Variants in ADGRL3 observed in about 807,000 individuals in gnomAD.
ADGRL3 encodes the protein calcium-independent alpha-latrotoxin receptor 3.
In ADGRL3, 62 loss-of-function variants were observed where a neutral mutation model predicts 153.5. That is an observed-to-expected ratio of 0.40 (90% CI 0.33 to 0.50). The LOEUF (loss-of-function observed/expected upper bound fraction) is 0.50. Ranked by LOEUF, ADGRL3 falls within the 20% of genes least tolerant of loss-of-function variation. The pLI, the probability that ADGRL3 is intolerant of heterozygous loss-of-function variation, is 0.47. For synonymous variants in ADGRL3, 710 were observed against 672.5 expected (o/e 1.06, Z -0.86); for missense variants, 1,641 against 1,859.4 (o/e 0.88, Z 2.16).
chr4:62,037,096 T>G (rs541347353), intron 23 of ADGRL3, among the ~76,000 whole-genome samples: 1 of 152,250 alleles, frequency 6.6e-6, no homozygotes, highest in East Asian at 1.9e-4. Context: ...AAGGACAAAA[T>G]TTACAATCTT....
chr4:61,590,828 C>T (rs144273182), intron 5 of ADGRL3, among the ~76,000 whole-genome samples: 1 of 152,290 alleles, frequency 6.6e-6, no homozygotes, highest in Non-Finnish European at 1.5e-5. Flanking sequence ...CTAAGTGATA[C>T]TAGCTATGTA....
intron 2 of ADGRL3, among the ~76,000 whole-genome samples, chr4:61,441,156 G>A (rs959965661): frequency 6.6e-6 from 1 of 151,686 alleles, no homozygotes; most frequent in East Asian, 1.9e-4. Context: ...TCTTTCTTCT[G>A]ATCTCTGATC....
chr4:61,367,312 G>T (rs2096417728), intron 1 of ADGRL3, among the ~76,000 whole-genome samples: 1 of 150,870 alleles, frequency 6.6e-6, no homozygotes, highest in African/African-American at 2.4e-5. Flanking sequence ...AAGTATACAT[G>T]TGCCATGCTG....
chr4:61,266,395 T>G (rs2092847729), intron 1 of ADGRL3, among the ~76,000 whole-genome samples: 1 of 151,858 alleles, frequency 6.6e-6, no homozygotes, highest in Non-Finnish European at 1.5e-5. Context: ...AACAAACAGC[T>G]GACTTATATT....
At chr4:61,685,778 A>G (rs1440372500) in intron 6 of ADGRL3, among the ~76,000 whole-genome samples, 3 of 152,126 alleles carry the variant, frequency 2.0e-5, no homozygotes, top group Non-Finnish European at 2.9e-5. Context: ...TGAGAATCAA[A>G]ATATGTTTGC....
chr4:61,532,752 TA>T (rs75750017), intron 4 of ADGRL3, among the ~76,000 whole-genome samples: 321 of 141,848 alleles, frequency 2.3e-3, no homozygotes, highest in Middle Eastern at 0.011. Flanking sequence ...TTTAGATGTT[TA>T]AAAAAAAAAA....
intron 19 of ADGRL3, among the ~76,000 whole-genome samples, chr4:61,992,421 A>G (rs191204770): frequency 1.3e-5 from 2 of 152,336 alleles, no homozygotes; most frequent in Non-Finnish European, 2.9e-5. Context: ...TTGTTTTAAC[A>G]GCCACAGTGA....
At chr4:61,526,124 A>G (rs1331859872) in intron 4 of ADGRL3, among the ~76,000 whole-genome samples, 1 of 152,142 alleles carries the variant, frequency 6.6e-6, no homozygotes, top group Non-Finnish European at 1.5e-5. Context: ...GTGAAGTTCC[A>G]TACTTTTCTT....
chr4:61,516,449 A>G (rs2098495917), intron 3 of ADGRL3, among the ~76,000 whole-genome samples: 1 of 152,094 alleles, frequency 6.6e-6, no homozygotes, highest in Admixed American at 6.5e-5. Context: ...TATCATTCCT[A>G]TTTATTAAAC....
intron 5 of ADGRL3, among the ~76,000 whole-genome samples, chr4:61,665,873 A>C (rs184188490): frequency 3.2e-4 from 49 of 152,234 alleles, no homozygotes; most frequent in African/African-American, 1.2e-3. Flanking sequence ...TGGGAGATAA[A>C]ACATGTATGG....
chr4:61,471,011 A>T (rs1458634789), intron 2 of ADGRL3, among the ~76,000 whole-genome samples: 1 of 151,916 alleles, frequency 6.6e-6, no homozygotes, highest in African/African-American at 2.4e-5. Context: ...TACAGTATAT[A>T]TTAGATATTT....
At chr4:61,328,674 T>A (rs1213172169) in intron 1 of ADGRL3, among the ~76,000 whole-genome samples, 2 of 152,212 alleles carry the variant, frequency 1.3e-5, no homozygotes, top group African/African-American at 4.8e-5. Context: ...AAGCTTCAGA[T>A]AAAACTATAT....
At chr4:61,520,240 A>T (rs959861042) in intron 4 of ADGRL3, among the ~76,000 whole-genome samples, 1 of 152,136 alleles carries the variant, frequency 6.6e-6, no homozygotes, top group Non-Finnish European at 1.5e-5. Context: ...TAATGACTAG[A>T]TATCAAGGCT....
chr4:61,874,439 A>G (rs1380178188), intron 9 of ADGRL3, among the ~76,000 whole-genome samples: 2 of 151,964 alleles, frequency 1.3e-5, no homozygotes, highest in East Asian at 3.9e-4. Context: ...CATACATCCC[A>G]CCACCTTAGC....
chr4:61,952,192 C>T (rs534041462), intron 17 of ADGRL3, among the ~76,000 whole-genome samples: 166 of 152,124 alleles, frequency 1.1e-3, no homozygotes, highest in Non-Finnish European at 2.2e-3. Context: ...TAATTTCATC[C>T]AGACCAGGCG....
chr4:61,898,428 A>C (rs994280451), intron 11 of ADGRL3, among the ~76,000 whole-genome samples: 13 of 152,110 alleles, frequency 8.5e-5, no homozygotes, highest in African/African-American at 3.1e-4. Context: ...AGAAAGGAGA[A>C]CAACTCTCTC....
intron 4 of ADGRL3, among the ~76,000 whole-genome samples, chr4:61,548,961 A>G (rs887906842): frequency 6.6e-6 from 1 of 152,026 alleles, no homozygotes; most frequent in South Asian, 2.1e-4. Flanking sequence ...GACTCTTCCT[A>G]TCGATGAGGA....
intron 5 of ADGRL3, among the ~76,000 whole-genome samples, chr4:61,610,781 C>A (rs1447620974): frequency 9.4e-6 from 1 of 106,184 alleles, no homozygotes; most frequent in Admixed American, 1.2e-4. Context: ...TACATTAATG[C>A]ATTGGAAAAG....
intron 9 of ADGRL3, among the ~76,000 whole-genome samples, chr4:61,882,804 G>A (rs1161243894): frequency 6.6e-6 from 1 of 152,112 alleles, no homozygotes; most frequent in African/African-American, 2.4e-5. Context: ...GGCTATGCTT[G>A]ACACCCACTT....
Sources: gnomAD v4.1 joint callset for allele counts (sites outside exome capture counted in the v4.1 genomes callset) on GRCh38, gnomAD v4.1.1 for gene constraint, MANE v1.5 for transcripts, NCBI Gene and HGNC (gene_info 2026-07-23, HGNC 2026-07-21) for gene names.